Variants in HEPHL1 observed in about 807,000 individuals in gnomAD.
HEPHL1 encodes ferroxidase HEPHL1.
In HEPHL1, 123 loss-of-function variants were observed where a neutral mutation model predicts 122.0. The observed-to-expected ratio is 1.01, with a 90% CI of 0.87 to 1.17. The LOEUF (loss-of-function observed/expected upper bound fraction) is 1.17, where lower values mean the gene tolerates loss of function less well. Ranked by LOEUF, HEPHL1 falls within the 50% of genes most tolerant of loss-of-function variation. The probability of loss-of-function intolerance (pLI) is 0.00; values close to 1 mark genes in which losing one functional copy is unlikely to be tolerated. For missense variants in HEPHL1, 1,452 were observed against 1,430.5 expected (o/e 1.01, Z -0.24); for synonymous variants, 527 against 508.9 (o/e 1.04, Z -0.48).
Position 94,097,174 on chromosome 11 carries a change from C to T in HEPHL1, c.2434+3534C>T, listed in dbSNP as rs1261037144. ...GGCATTTAGTGCTATAAATTTCCCTCTACACACTGCTTTAAATGTGTCCCA... is the reference window on the plus strand; with the variant it reads ...GGCATTTAGTGCTATAAATTTCCCTTTACACACTGCTTTAAATGTGTCCCA... On this transcript the variant is annotated intron_variant, in intron 13 of 19. Transcript: ENST00000315765. Among the ~76,000 whole-genome samples the T allele has an allele frequency of 1.3e-5, 2 of 152,180 alleles. 1 individual carries two copies. The highest frequency in any genetic ancestry group is 4.8e-5 in the African/African-American group (2 of 41,440).
chr11:94,102,012 T>G (rs913487976), intron 14 of HEPHL1, among the ~76,000 whole-genome samples: 4 of 152,338 alleles, frequency 2.6e-5, no homozygotes, highest in South Asian at 2.1e-4. Flanking sequence ...TATTTTATTA[T>G]TAGTAATTAT....
At chr11:94,068,818 A>G (rs961151907) in intron 5 of HEPHL1, among the ~76,000 whole-genome samples, 7 of 152,180 alleles carry the variant, frequency 4.6e-5, no homozygotes, top group Non-Finnish European at 8.8e-5. Flanking sequence ...CAGAAAAAAT[A>G]TGTTAATGGA....
chr11:94,101,039 A>G (rs1946363314), intron 13 of HEPHL1, among the ~76,000 whole-genome samples, 156 bp from the exon 14 acceptor site: 1 of 152,204 alleles, frequency 6.6e-6, no homozygotes, highest in Non-Finnish European at 1.5e-5. Context: ...ATACTACACA[A>G]TGTTGCTCTC....
Sources: allele counts gnomAD v4.1 joint callset (sites outside exome capture counted in the v4.1 genomes callset), GRCh38; gene constraint gnomAD v4.1.1; transcripts MANE v1.5; gene names NCBI Gene and HGNC (gene_info 2026-07-23, HGNC 2026-07-21).